ACSBG1: variants seen among roughly 807,000 people sequenced by gnomAD.
The protein encoded by ACSBG1 is acyl-CoA synthetase bubblegum family member 1.
ACSBG1 carries 39 observed loss-of-function variants against 80.2 expected under a neutral mutation model. The observed-to-expected ratio is 0.49, with a 90% CI of 0.38 to 0.64. ACSBG1 has a LOEUF of 0.64. Among genes scored for constraint, ACSBG1 ranks in the 30% least tolerant of loss-of-function variants. The pLI is 0.00. For missense variants in ACSBG1, 828 were observed against 966.4 expected (o/e 0.86, Z 1.90); for synonymous variants, 392 against 379.5 (o/e 1.03, Z -0.38).
At chr15:78,193,388 T>G in intron 5 of ACSBG1, 118 bp downstream of exon 5, 1 of 1,432,278 alleles carries the variant, frequency 7.0e-7, no homozygotes, top group Non-Finnish European at 9.4e-7. Flanking sequence ...CATTAGAGGG[T>G]TGCCGTTGAG....
At chr15:78,217,934 T>G (rs1188560590) in intron 1 of ACSBG1, among the ~76,000 whole-genome samples, 4 of 152,202 alleles carry the variant, frequency 2.6e-5, no homozygotes, top group Non-Finnish European at 4.4e-5. Context: ...TATGTTGTAT[T>G]GATGACAGAC....
At chr15:78,216,198 T>C (rs563990843) in intron 1 of ACSBG1, among the ~76,000 whole-genome samples, 46 of 152,270 alleles carry the variant, frequency 3.0e-4, no homozygotes, top group African/African-American at 1.1e-3. Context: ...CTATGAGTAT[T>C]GATTTAGCAC....
At chr15:78,191,231 G>A (rs1230720227) in intron 5 of ACSBG1, among the ~76,000 whole-genome samples, 2 of 152,154 alleles carry the variant, frequency 1.3e-5, no homozygotes, top group African/African-American at 2.4e-5. Flanking sequence ...ACACGTATAT[G>A]CCTAATAACA....
chr15:78,209,288 T>C (rs1450079045), intron 1 of ACSBG1: 1 of 454,266 alleles, frequency 2.2e-6, no homozygotes, highest in Non-Finnish European at 4.4e-6. Flanking sequence ...CAGAAGGTTA[T>C]GAAGGGAGGG....
At chr15:78,204,717 G>C (rs868096566) in intron 2 of ACSBG1, among the ~76,000 whole-genome samples, 4 of 152,246 alleles carry the variant, frequency 2.6e-5, no homozygotes, top group Non-Finnish European at 4.4e-5. Context: ...GGGACAGGCA[G>C]GTCCTCTTGC....
At chr15:78,211,354 G>T (rs1212504696) in intron 1 of ACSBG1, among the ~76,000 whole-genome samples, 1 of 152,256 alleles carries the variant, frequency 6.6e-6, no homozygotes, top group Non-Finnish European at 1.5e-5. Context: ...TACTCCAGAG[G>T]TTGGCGGAAG....
rs377206732 is a variant in ACSBG1 at position 78,194,705 on chromosome 15, C to A, written c.254G>T (p.Arg85Leu). 6 of 1,612,814 alleles carry A rather than the reference C, an allele frequency of 3.7e-6. No individual in the cohort carries two copies. The South Asian group carries it at 6.6e-5, about 18-fold the overall frequency. Residue 85 changes from arginine to leucine, a missense_variant, in exon 3 of 14, where the codon CGG (arginine) becomes CTG (leucine). By Grantham distance (102) the Arg-to-Leu change is moderately radical (BLOSUM62 -2). Transcript: ENST00000258873. The stretch of plus-strand genomic sequence containing the variant: ...GCGCAGGCGCACCCGCCCATCGGCC[C>A]GAGTCGTCCACAGCGCCTCCTCTGT... ...DAPEEALWTT[R>L]ADGRVRLRID...
chr15:78,201,283 C>T (rs1395427876), intron 2 of ACSBG1, among the ~76,000 whole-genome samples: 1 of 152,224 alleles, frequency 6.6e-6, no homozygotes, highest in Non-Finnish European at 1.5e-5. Context: ...CCACCCTAGT[C>T]CCAGGAGGGC....
chr15:78,234,432 T>A lies in ACSBG1; in HGVS notation c.70A>T (p.Thr24Ser). Residue 24 changes from threonine to serine, a missense_variant, in exon 1 of 14, where the codon ACC (threonine) becomes TCC (serine). Transcript: ENST00000258873. Reference protein sequence around the residue: ...GDPSMLDSRETPQESRQDMIV... With the variant: ...GDPSMLDSRESPQESRQDMIV... Reference sequence around the variant, plus strand: ...ATGTCCTGCCGGCTCTCCTGTGGGGTCTCTCTGCTGTCCAGCATGCTGGGG... The same window carrying A: ...ATGTCCTGCCGGCTCTCCTGTGGGGACTCTCTGCTGTCCAGCATGCTGGGG... 2 of 1,612,976 alleles carry A rather than the reference T, an allele frequency of 1.2e-6. No homozygotes were observed. The highest frequency in any genetic ancestry group is 1.7e-6 in the Non-Finnish European group (2 of 1,179,988).
At position 78,177,600 on chromosome 15, in the gene ACSBG1, C is replaced by CG. The variant is rs1303222727; in HGVS notation, c.1702+1013dup. Reference sequence around the variant, plus strand: ...CATCCAAGCAGTCACCTGTTGCTCCCGGGGTCTCACTGGAGGGTACCTCCA... The same window carrying CG: ...CATCCAAGCAGTCACCTGTTGCTCCCGGGGGTCTCACTGGAGGGTACCTCCA... On this transcript the variant is annotated intron_variant, in intron 11 of 13. Coordinates refer to ENST00000258873, the MANE Select transcript of ACSBG1 (RefSeq NM_015162.5). The surrounding 1 kb of genome is among the most constrained non-coding windows in gnomAD (Gnocchi z 4.1). 2.0e-5 allele frequency among the ~76,000 whole-genome samples: 3 copies of CG among 152,152 alleles called. No homozygotes were observed. Among genetic ancestry groups the CG allele is most frequent in the South Asian group, 2.1e-4 (1 of 4,822 alleles).
chr15:78,183,036 G>A (rs1403451721), intron 5 of ACSBG1: 1 of 569,706 alleles, frequency 1.8e-6, no homozygotes, highest in East Asian at 2.9e-5. Flanking sequence ...AAACAAGCTG[G>A]GGCTTGGTTG....
chr15:78,185,753 G>T (rs2074997028), intron 5 of ACSBG1, among the ~76,000 whole-genome samples: 1 of 151,676 alleles, frequency 6.6e-6, no homozygotes, highest in South Asian at 2.1e-4. Flanking sequence ...AATCTTAAAA[G>T]CAGCCAGAAA....
intron 1 of ACSBG1, among the ~76,000 whole-genome samples, chr15:78,217,769 G>A (rs1021036017): frequency 2.6e-5 from 4 of 151,932 alleles, no homozygotes; most frequent in African/African-American, 9.7e-5. Flanking sequence ...GTTTCACTAC[G>A]TTGGTCAGGC....
At chr15:78,228,572 C>T (rs1018690436) in intron 1 of ACSBG1, among the ~76,000 whole-genome samples, 4 of 152,176 alleles carry the variant, frequency 2.6e-5, no homozygotes, top group East Asian at 1.9e-4. Flanking sequence ...AGAGGACTAC[C>T]GCTGGCTTGG....
At chr15:78,226,152 T>C (rs2075398821) in intron 1 of ACSBG1, among the ~76,000 whole-genome samples, 1 of 152,230 alleles carries the variant, frequency 6.6e-6, no homozygotes, top group South Asian at 2.1e-4. Flanking sequence ...TATACACTTT[T>C]AGTTATTTCA....
At position 78,178,423 on chromosome 15, in the gene ACSBG1, C is replaced by T. The variant is rs1037605472; in HGVS notation, c.1702+191G>A. On this transcript the variant is annotated intron_variant, in intron 11 of 13. Transcript: ENST00000258873. This position sits in a 1 kb window ranked among gnomAD's most constrained non-coding sequence, Gnocchi z 4.3. ...AAGTAATTCTCGTGCCTCAGCCTCC[C>T]GAATAGCTGGGATTACAGGTGCATG... 5.9e-5 allele frequency among the ~76,000 whole-genome samples: 9 copies of T among 152,290 alleles called. No individual in the cohort carries two copies. In the South Asian group the frequency reaches 1.0e-3, roughly 18 times the overall value.
chr15:78,218,583 C>T (rs1381554801), intron 1 of ACSBG1, among the ~76,000 whole-genome samples: 8 of 152,226 alleles, frequency 5.3e-5, no homozygotes, highest in African/African-American at 1.9e-4. Flanking sequence ...TAGTATGTGC[C>T]AGGCACTGTT....
intron 5 of ACSBG1, among the ~76,000 whole-genome samples, chr15:78,190,566 G>A (rs1355311070): frequency 8.2e-6 from 1 of 122,534 alleles, no homozygotes; most frequent in African/African-American, 2.8e-5. Context: ...GTGAGACCCT[G>A]TCTTAAAAAA....
In ACSBG1 at chr15:78,178,813, G is replaced by T; in HGVS notation, c.1503C>A (p.Pro501=). The change falls in exon 11 of 14, where the codon CCC becomes CCA. Residue 501 remains proline (P), a synonymous_variant. Coordinates refer to ENST00000258873, the MANE Select transcript of ACSBG1 (RefSeq NM_015162.5). This position sits in a 1 kb window ranked among gnomAD's most constrained non-coding sequence, Gnocchi z 4.3. ...GGTTCACCAGCTTCACCCGACAGCCGGGCACCAACTTGCCTGAGCTGGCGA... is the reference window on the plus strand; with the variant it reads ...GGTTCACCAGCTTCACCCGACAGCCTGGCACCAACTTGCCTGAGCTGGCGA... The part of the protein sequence containing the change: ...YRLYSSGKLV[P]GCRVKLVNQD... 1 of 1,612,502 alleles carries T rather than the reference G, an allele frequency of 6.2e-7. No individual in the cohort carries two copies. Among genetic ancestry groups the T allele is most frequent in the East Asian group, 2.2e-5 (1 of 44,848 alleles).
Sources: gnomAD v4.1 joint callset for allele counts (sites outside exome capture counted in the v4.1 genomes callset) on GRCh38, gnomAD v4.1.1 for gene constraint, Gnocchi (gnomAD v3.1) non-coding constraint, MANE v1.5 for transcripts, NCBI Gene and HGNC (gene_info 2026-07-23, HGNC 2026-07-21) for gene names.